Variants in LNP1 observed in about 807,000 individuals in gnomAD.
The protein encoded by LNP1 is leukemia NUP98 fusion partner 1.
Under a neutral mutation model 14.5 loss-of-function variants are expected in LNP1, and 12 were observed. The observed-to-expected ratio is 0.83, with a 90% CI of 0.53 to 1.34. LNP1 has a LOEUF of 1.34. Ranked by LOEUF, LNP1 falls within the 40% of genes most tolerant of loss-of-function variation. The probability of loss-of-function intolerance (pLI) is 0.00; values close to 1 mark genes in which losing one functional copy is unlikely to be tolerated. For synonymous variants in LNP1, 75 were observed against 71.4 expected, an observed-to-expected ratio of 1.05 and a Z score of -0.26; for missense variants, 198 against 210.9, an observed-to-expected ratio of 0.94 and a Z score of 0.38.
intron 3 of LNP1, among the ~76,000 whole-genome samples, chr3:100,454,938 A>G (rs1707496145): frequency 6.6e-6 from 1 of 152,166 alleles, no homozygotes; most frequent in Non-Finnish European, 1.5e-5. Context: ...GGAGAGGAGT[A>G]ATGATTTTGC....
intron 2 of LNP1, among the ~76,000 whole-genome samples, chr3:100,450,653 CTT>C (rs1249665653): frequency 6.6e-6 from 1 of 152,110 alleles, no homozygotes; most frequent in Non-Finnish European, 1.5e-5. Flanking sequence ...TCAATCTTAA[CTT>C]TAGCCAAGAC....
intron 2 of LNP1, 79 bp downstream of exon 2, chr3:100,429,964 T>G: frequency 1.4e-6 from 2 of 1,455,226 alleles, no homozygotes; most frequent in Non-Finnish European, 1.9e-6. Context: ...TTGAGGAATC[T>G]TTGGATATAA....
At chr3:100,455,738 C>T (rs1707503943) in intron 3 of LNP1, 39 bp from the exon 4 acceptor site, 2 of 1,605,994 alleles carry the variant, frequency 1.2e-6, no homozygotes, top group Non-Finnish European at 1.7e-6. Context: ...TTGTCAGCTG[C>T]TTGTGCATTT....
intron 1 of LNP1, among the ~76,000 whole-genome samples, chr3:100,429,054 A>G (rs1220784033): frequency 1.5e-4 from 23 of 152,236 alleles, no homozygotes; most frequent in Admixed American, 1.5e-3. Context: ...ATATGTATAT[A>G]AAAATTCATC....
chr3:100,423,709 TCA>T (rs1276882220), intron 1 of LNP1, among the ~76,000 whole-genome samples: 1 of 152,148 alleles, frequency 6.6e-6, no homozygotes, highest in Admixed American at 6.6e-5. Flanking sequence ...AAGAAAATTC[TCA>T]TTTTCTTGAG....
chr3:100,451,750 A>T lies in LNP1; in HGVS notation c.188A>T (p.Asp63Val). Residue 63 changes from aspartate (D) to valine (V), a missense_variant, in exon 3 of 4, where the codon GAC becomes GTC. Physicochemically the swap from Asp to Val is radical, Grantham distance 152 (BLOSUM62 -3). Transcript: ENST00000383693. ...GTGCTTCCCAGAATTCCATCATCTG[A>T]CTGCCATCCTAGAAGGCATTCTCAT... ...LPVLPRIPSSDCHPRRHSHED... is the reference protein window; with the variant it reads ...LPVLPRIPSSVCHPRRHSHED... 6.2e-7 allele frequency: 1 copy of T among 1,611,734 alleles called. No individual in the cohort carries two copies.
At chr3:100,419,330 A>G (rs929551177) in intron 1 of LNP1, among the ~76,000 whole-genome samples, 18 of 152,200 alleles carry the variant, frequency 1.2e-4, no homozygotes, top group Non-Finnish European at 8.8e-5. Flanking sequence ...TGAAATAATG[A>G]CAAGAAGTTG....
At chr3:100,412,212 G>T (rs576084382) in intron 1 of LNP1, among the ~76,000 whole-genome samples, 1 of 152,294 alleles carries the variant, frequency 6.6e-6, no homozygotes, top group East Asian at 1.9e-4. Context: ...GAGAAACCTT[G>T]CTTTGTAATA....
intron 2 of LNP1, 62 bp downstream of exon 2, chr3:100,429,947 T>C (rs1331286433): frequency 7.9e-6 from 12 of 1,528,588 alleles, no homozygotes; most frequent in South Asian, 1.2e-5. Context: ...TTCTCTTAGA[T>C]AATTTTTTGA....
At chr3:100,448,543 A>G (rs931236400) in intron 2 of LNP1, among the ~76,000 whole-genome samples, 1 of 152,192 alleles carries the variant, frequency 6.6e-6, no homozygotes, top group Non-Finnish European at 1.5e-5. Context: ...GGATAAGCAT[A>G]AAATTACTTG....
intron 1 of LNP1, among the ~76,000 whole-genome samples, chr3:100,406,914 G>A (rs1706973312): frequency 6.6e-6 from 1 of 152,198 alleles, no homozygotes; most frequent in Non-Finnish European, 1.5e-5. Flanking sequence ...CTGATAACAA[G>A]TTAACTTTGA....
At chr3:100,422,803 CTTTTTTTTTT>C (rs557593118) in intron 1 of LNP1, among the ~76,000 whole-genome samples, 1,542 of 69,126 alleles carry the variant, frequency 0.022, 26 homozygotes, top group African/African-American at 0.073. Context: ...TTTGTCTCCT[CTTTTTTTTTT>C]TTTTTTTTTT....
At chr3:100,420,414 C>T (rs374301682) in intron 1 of LNP1, among the ~76,000 whole-genome samples, 3 of 152,136 alleles carry the variant, frequency 2.0e-5, no homozygotes, top group Admixed American at 6.5e-5. Flanking sequence ...CGAGCTCAAG[C>T]GATCCTCCCA....
At chr3:100,447,776 A>T (rs1707402383) in intron 2 of LNP1, among the ~76,000 whole-genome samples, 1 of 152,104 alleles carries the variant, frequency 6.6e-6, no homozygotes. Flanking sequence ...ATTTCTCTTT[A>T]AGCTTTCTTA....
intron 1 of LNP1, among the ~76,000 whole-genome samples, chr3:100,423,366 A>G (rs1707163619): frequency 6.6e-6 from 1 of 152,186 alleles, no homozygotes; most frequent in Non-Finnish European, 1.5e-5. Flanking sequence ...AAATAAATAA[A>G]GGGAAAATCG....
chr3:100,431,928 G>A (rs1044223151), intron 2 of LNP1, among the ~76,000 whole-genome samples: 26 of 144,036 alleles, frequency 1.8e-4, no homozygotes, highest in Non-Finnish European at 3.6e-4. Context: ...CCAAGAGGTC[G>A]AGGCTGCAGT....
intron 1 of LNP1, among the ~76,000 whole-genome samples, chr3:100,422,026 T>C (rs953668612): frequency 5.9e-5 from 9 of 152,158 alleles, no homozygotes; most frequent in Non-Finnish European, 1.2e-4. Context: ...GGACTCTCAA[T>C]TCCCCCAGTT....
chr3:100,447,221 T>G (rs1454138390), intron 2 of LNP1, among the ~76,000 whole-genome samples: 1 of 152,154 alleles, frequency 6.6e-6, no homozygotes, highest in Non-Finnish European at 1.5e-5. Flanking sequence ...AGCGATAGAC[T>G]GGATTAAGAA....
At chr3:100,414,417 G>A (rs1707061357) in intron 1 of LNP1, among the ~76,000 whole-genome samples, 1 of 151,996 alleles carries the variant, frequency 6.6e-6, no homozygotes, top group African/African-American at 2.4e-5. Context: ...CATGGTGGCA[G>A]GCACCTGTAA....
Sources: gnomAD v4.1 joint callset for allele counts (sites outside exome capture counted in the v4.1 genomes callset) on GRCh38, gnomAD v4.1.1 for gene constraint, MANE v1.5 for transcripts, NCBI Gene and HGNC (gene_info 2026-07-23, HGNC 2026-07-21) for gene names.